Variants in MYH9 observed in about 807,000 individuals in gnomAD.
The protein encoded by MYH9 is myosin-9.
MYH9 carries 29 observed loss-of-function variants against 241.9 expected under a neutral mutation model. The ratio of observed to expected loss-of-function variants is 0.12; its 90% confidence interval spans 0.09 to 0.16. The LOEUF (loss-of-function observed/expected upper bound fraction) is 0.16. MYH9 is among the 10% of genes least tolerant of loss of function. The probability of loss-of-function intolerance (pLI) is 1.00; values close to 1 mark genes in which losing one functional copy is unlikely to be tolerated. For missense variants in MYH9, 1,803 were observed against 2,595.5 expected, an observed-to-expected ratio of 0.69 and a Z score of 6.63; for synonymous variants, 1,047 against 1,062.6, an observed-to-expected ratio of 0.99 and a Z score of 0.29.
intron 31 of MYH9, among the ~76,000 whole-genome samples, chr22:36,291,207 T>G (rs985371612): frequency 6.6e-6 from 1 of 152,052 alleles, no homozygotes; most frequent in African/African-American, 2.4e-5. Context: ...TAGCGGGCCA[T>G]GATGACAATG....
chr22:36,319,798 C>A lies in MYH9; in HGVS notation c.1013-163G>T, dbSNP rs921773177. 3.6e-4 allele frequency: 270 copies of A among 745,878 alleles called. 3 individuals carry two copies. In the Admixed American group the frequency reaches 5.4e-3, roughly 15 times the overall value. The allele number at this position is 745,878 out of a possible 1,614,324, so 46.2% of individuals were successfully genotyped here. A position where few individuals can be genotyped will look rare whatever the true frequency, so the allele number is the denominator to read the frequency against. On this transcript the variant is annotated intron_variant, in intron 9 of 40. Coordinates refer to ENST00000216181, the MANE Select transcript of MYH9 (RefSeq NM_002473.6). ...CGCCAGGTCTGCGTCTAACGGTGTG[C>A]GGTGGGCCCAGCCACCCTAGAGGGC... is the stretch of plus-strand genomic sequence containing the variant.
chr22:36,310,392 C>A (rs141633500), intron 14 of MYH9, among the ~76,000 whole-genome samples: 1 of 152,214 alleles, frequency 6.6e-6, no homozygotes, highest in Non-Finnish European at 1.5e-5. Context: ...AGGCATGAGC[C>A]CCTGTGCTCT....
chr22:36,308,681 A>C, intron 15 of MYH9: 38 of 346,458 alleles, frequency 1.1e-4, no homozygotes, highest in Non-Finnish European at 1.5e-4. Context: ...AGATCAGGGA[A>C]CGGGGGTGTA....
chr22:36,336,842 C>T (rs937506387), intron 3 of MYH9, among the ~76,000 whole-genome samples: 7 of 152,242 alleles, frequency 4.6e-5, no homozygotes, highest in African/African-American at 1.7e-4. Context: ...GGCCACAAAT[C>T]TCTGTCTATA....
In MYH9 at chr22:36,320,441, T is replaced by C. The variant is rs1474166369; in HGVS notation, c.869-78A>G. The C allele has an allele frequency of 8.3e-6, 13 of 1,575,570 alleles. No homozygotes were observed. The highest frequency in any genetic ancestry group is 1.1e-5 in the Non-Finnish European group (13 of 1,156,984). On this transcript the variant is annotated intron_variant, in intron 8 of 40. Transcript: ENST00000216181. This position sits in a 1 kb window ranked among gnomAD's most constrained non-coding sequence, Gnocchi z 4.8. ...TCCATCAGCGCTGTGACCTCAAAGG[T>C]TGGAGAGACTGGGACAGACCCTGAG...
chr22:36,285,909 C>T lies in MYH9; in HGVS notation c.5106G>A (p.Glu1702=), dbSNP rs747668125. The T allele has an allele frequency of 4.3e-6, 7 of 1,613,190 alleles. No individual in the cohort carries two copies. In the South Asian group the frequency reaches 7.7e-5, roughly 18 times the overall value. ...AERAKRQAQQ[E]RDELADEIAN... ...CGATCTCGTCAGCCAGCTCATCCCG[C>T]TCCTGCTGGGCCTGGCGCTTGGCAC... The change falls in exon 36 of 41, where the codon GAG becomes GAA. Residue 1702 remains glutamate, a synonymous_variant. Transcript: ENST00000216181. The surrounding 1 kb of genome is among the most constrained non-coding windows in gnomAD (Gnocchi z 7.0).
At chr22:36,343,985 A>T (rs1272446095) in intron 2 of MYH9, among the ~76,000 whole-genome samples, 2 of 152,246 alleles carry the variant, frequency 1.3e-5, no homozygotes, top group Non-Finnish European at 2.9e-5. Context: ...GTTTGGAAAC[A>T]GCTGGTGCTG....
In MYH9 at chr22:36,294,197, C is replaced by A; in HGVS notation, c.3732G>T (p.Glu1244Asp). 1 of 1,614,046 alleles carries A rather than the reference C, an allele frequency of 6.2e-7. No homozygotes were observed. Among genetic ancestry groups the A allele is most frequent in the South Asian group, 1.1e-5 (1 of 91,084 alleles). Residue 1244 changes from glutamate to aspartate, a missense_variant, in exon 28 of 41, where the codon GAG becomes GAT. Transcript: ENST00000216181. ...KVLLQGKGDS[E>D]HKRKKVEAQL... ...GCGCCTCCACTTTCTTGCGCTTGTGCTCCGAGTCCCCTTTGCCCTGCAGCA... is the reference window on the plus strand; with the variant it reads ...GCGCCTCCACTTTCTTGCGCTTGTGATCCGAGTCCCCTTTGCCCTGCAGCA...
At chr22:36,292,517 C>T (rs1480067866) in intron 30 of MYH9, among the ~76,000 whole-genome samples, 1 of 152,230 alleles carries the variant, frequency 6.6e-6, no homozygotes, top group Non-Finnish European at 1.5e-5. Context: ...GCCTCTTGCT[C>T]TACGGAGACT....
chr22:36,330,369 C>T lies in MYH9; in HGVS notation c.491-2881G>A, dbSNP rs957964241. On this transcript the variant is annotated intron_variant, in intron 3 of 40. Transcript: ENST00000216181. This position sits in a 1 kb window ranked among gnomAD's most constrained non-coding sequence, Gnocchi z 4.5. ...ATGCACCACGAATCGTACCATGGCC[C>T]CATGCAACCGAAAAGGTCTTTCCAA... Among the ~76,000 whole-genome samples, 1 of 152,240 alleles carries T rather than the reference C, an allele frequency of 6.6e-6. No individual in the cohort carries two copies. The highest frequency in any genetic ancestry group is 2.4e-5 in the African/African-American group (1 of 41,460).
chr22:36,346,526 A>G (rs1024531983), intron 2 of MYH9, among the ~76,000 whole-genome samples: 10 of 152,198 alleles, frequency 6.6e-5, no homozygotes, highest in African/African-American at 2.4e-4. Flanking sequence ...CTTTTATTAC[A>G]TATGTGACCA....
At chr22:36,387,271 C>T (rs2018368677) in intron 1 of MYH9, among the ~76,000 whole-genome samples, 1 of 152,244 alleles carries the variant, frequency 6.6e-6, no homozygotes, top group Admixed American at 6.5e-5. Context: ...GACGGTCCGA[C>T]TCTGACTCAG....
chr22:36,378,568 T>C (rs540668950), intron 1 of MYH9, among the ~76,000 whole-genome samples: 16 of 152,168 alleles, frequency 1.1e-4, no homozygotes, highest in Non-Finnish European at 2.2e-4. Flanking sequence ...TGTGGCTTTC[T>C]GAATGGCCCA....
intron 10 of MYH9, among the ~76,000 whole-genome samples, chr22:36,318,847 C>T (rs1357733416): frequency 6.6e-6 from 1 of 152,056 alleles, no homozygotes; most frequent in Admixed American, 6.5e-5. Context: ...CACTGCAACC[C>T]CTACCTCCTG....
chr22:36,331,508 G>A (rs1427724854), intron 3 of MYH9, among the ~76,000 whole-genome samples: 1 of 152,224 alleles, frequency 6.6e-6, no homozygotes, highest in African/African-American at 2.4e-5. Flanking sequence ...CCAGGAGGGA[G>A]GAAGGGGAAC....
rs990800370 is a variant in MYH9 at position 36,300,701 on chromosome 22, G to A, written c.2838+150C>T. Reference sequence around the variant, plus strand: ...ATGTCACAAACTACCAGCCCAAAGGGAACACCTCTCACTGAGAGCCCCAAG... The same window carrying A: ...ATGTCACAAACTACCAGCCCAAAGGAAACACCTCTCACTGAGAGCCCCAAG... On this transcript the variant is annotated intron_variant, in intron 22 of 40. Coordinates refer to ENST00000216181, the MANE Select transcript of MYH9 (RefSeq NM_002473.6). This position sits in a 1 kb window ranked among gnomAD's most constrained non-coding sequence, Gnocchi z 5.0. 3 of 865,292 alleles carry A rather than the reference G, an allele frequency of 3.5e-6. No homozygotes were observed. Among genetic ancestry groups the A allele is most frequent in the African/African-American group, 1.7e-5 (1 of 60,282 alleles). 53.6% of individuals were successfully genotyped at this position (865,292 alleles called of 1,614,324 possible).
intron 25 of MYH9, among the ~76,000 whole-genome samples, chr22:36,296,065 G>T (rs183761106): frequency 6.6e-6 from 1 of 152,158 alleles, no homozygotes. Context: ...AATGTGCTAC[G>T]GACTTTAGAT....
At chr22:36,318,739 G>A (rs1200489654) in intron 10 of MYH9, among the ~76,000 whole-genome samples, 2 of 152,172 alleles carry the variant, frequency 1.3e-5, no homozygotes, top group East Asian at 1.9e-4. Context: ...GCTGGGGCAC[G>A]GAACAGCACA....
Position 36,341,421 on chromosome 22 carries a change from G to T in MYH9, c.439C>A (p.Pro147Thr). 6.2e-7 allele frequency: 1 copy of T among 1,614,174 alleles called. No individual in the cohort carries two copies. Among genetic ancestry groups the T allele is most frequent in the Non-Finnish European group, 8.5e-7 (1 of 1,180,010 alleles). ...TCTGTGATGGCATAGATGTGAGGGG[G>T]CATCTCGTGCCTCTTCTTGCCCTTG... Reference protein sequence around the residue: ...MYKGKKRHEMPPHIYAITDTA... With the variant: ...MYKGKKRHEMTPHIYAITDTA... The change falls in exon 3 of 41, where the codon CCC becomes ACC. Residue 147 changes from proline (P) to threonine (T), a missense_variant. Physicochemically the swap from Pro to Thr is conservative, Grantham distance 38 (BLOSUM62 -1). Transcript: ENST00000216181.
Sources: allele counts gnomAD v4.1 joint callset (sites outside exome capture counted in the v4.1 genomes callset), GRCh38; gene constraint gnomAD v4.1.1; non-coding constraint Gnocchi (gnomAD v3.1); transcripts MANE v1.5; gene names NCBI Gene and HGNC (gene_info 2026-07-23, HGNC 2026-07-21).